The following SLC25A51 variants were observed in gnomAD, a reference collection of about 807,000 sequenced individuals.
SLC25A51 encodes mitochondrial nicotinamide adenine dinucleotide transporter SLC25A51.
SLC25A51 carries 11 observed loss-of-function variants against 19.1 expected under a neutral mutation model. The ratio of observed to expected loss-of-function variants is 0.58; its 90% CI spans 0.36 to 0.96. SLC25A51 has a LOEUF of 0.96. SLC25A51 is among the 40% of genes least tolerant of loss of function. The probability of loss-of-function intolerance (pLI) is 0.01; values close to 1 mark genes in which losing one functional copy is unlikely to be tolerated. For synonymous variants in SLC25A51, 105 were observed against 133.6 expected (o/e 0.79, Z 1.47); for missense variants, 201 against 365.4 (o/e 0.55, Z 3.67).
At chr9:37,900,536 C>G (rs1831824417) in intron 1 of SLC25A51, among the ~76,000 whole-genome samples, 1 of 152,112 alleles carries the variant, frequency 6.6e-6, no homozygotes, top group African/African-American at 2.4e-5. Context: ...GCCTGGACCC[C>G]TGGGGCCTCA....
At chr9:37,897,844 G>A (rs1831754902) in intron 2 of SLC25A51, among the ~76,000 whole-genome samples, 3 of 152,098 alleles carry the variant, frequency 2.0e-5, no homozygotes. Flanking sequence ...TCAAGACACA[G>A]AAACGTTCAC....
At chr9:37,892,470 C>G (rs1831612944) in intron 2 of SLC25A51, among the ~76,000 whole-genome samples, 1 of 152,204 alleles carries the variant, frequency 6.6e-6, no homozygotes, top group Non-Finnish European at 1.5e-5. Context: ...CTGATGAGGA[C>G]AGAGAAGCCG....
chr9:37,899,694 T>G (rs1389144973), intron 2 of SLC25A51, 135 bp downstream of exon 2: 1 of 152,170 alleles, frequency 6.6e-6, no homozygotes, highest in Non-Finnish European at 1.5e-5. Context: ...TATCTTCACA[T>G]CAAGTGCCAG....
chr9:37,895,314 G>A (rs185107778), intron 2 of SLC25A51, among the ~76,000 whole-genome samples: 134 of 151,116 alleles, frequency 8.9e-4, no homozygotes, highest in African/African-American at 3.0e-3. Context: ...TGACCCTCCT[G>A]CCTCAGCCTC....
downstream of SLC25A51, among the ~76,000 whole-genome samples, chr9:37,885,354 A>C (rs1290633714): frequency 4.1e-4 from 62 of 150,998 alleles, no homozygotes; most frequent in Admixed American, 9.9e-4. Flanking sequence ...AAAAAAAAAA[A>C]AAAAAAAAAA....
chr9:37,894,816 A>G (rs533488428), intron 2 of SLC25A51, among the ~76,000 whole-genome samples: 134 of 151,986 alleles, frequency 8.8e-4, no homozygotes, highest in African/African-American at 2.9e-3. Context: ...GTTCCTCTCT[A>G]TGTGTCCATG....
At chr9:37,902,072 T>G (rs967076170) in intron 1 of SLC25A51, among the ~76,000 whole-genome samples, 2 of 152,234 alleles carry the variant, frequency 1.3e-5, no homozygotes, top group Non-Finnish European at 2.9e-5. Context: ...AACCATTTTA[T>G]TTTTACATAC....
At position 37,888,201 on chromosome 9, in the gene SLC25A51, T is replaced by C; in HGVS notation, c.350A>G (p.Glu117Gly). The C allele has an allele frequency of 1.9e-6, 3 of 1,614,118 alleles. No homozygotes were observed. In the South Asian group the frequency reaches 3.3e-5, roughly 18 times the overall value. ...CLLHKHVSAP[E>G]FATSGVAAVL... ...TGCCGCCACGCCACTGGTTGCAAAC[T>C]CTGGAGCACTGACATGCTTGTGGAG... is the stretch of plus-strand genomic sequence containing the variant. Residue 117 changes from glutamate (E) to glycine (G), a missense_variant, in exon 3 of 3, where the codon GAG becomes GGG. By Grantham distance (98) the Glu-to-Gly change is moderately conservative. Coordinates refer to ENST00000242275, the MANE Select transcript of SLC25A51 (RefSeq NM_033412.4).
At chr9:37,890,500 T>C (rs928966541) in intron 2 of SLC25A51, among the ~76,000 whole-genome samples, 2 of 152,170 alleles carry the variant, frequency 1.3e-5, no homozygotes, top group Non-Finnish European at 2.9e-5. Context: ...GGCCACAAAT[T>C]TGTGCCCAGC....
chr9:37,888,523 T>G lies in SLC25A51; in HGVS notation c.28A>C (p.Arg10=). The stretch of plus-strand genomic sequence containing the variant: ...TTTGAAGATGTTAGTATTGGTGGCC[T>G]CTTTTCATGAGCTTCTGAATCCATC... MMDSEAHEK[R]PPILTSSKQD... The change falls in exon 3 of 3, where the codon AGG becomes CGG. Residue 10 remains arginine, a synonymous_variant. Transcript: ENST00000242275. The G allele has an allele frequency of 6.2e-7, 1 of 1,610,024 alleles. No individual in the cohort carries two copies. The highest frequency in any genetic ancestry group is 8.5e-7 in the Non-Finnish European group (1 of 1,178,010).
exon 4 of SLC25A51, chr9:37,880,536 A>G (rs1831330668): frequency 6.6e-6 from 1 of 152,138 alleles, no homozygotes; most frequent in Non-Finnish European, 1.5e-5. Context: ...AGATCACCTG[A>G]GGTTAGGAGT....
intron 1 of SLC25A51, among the ~76,000 whole-genome samples, chr9:37,902,593 C>T (rs1490784689): frequency 6.6e-6 from 1 of 152,220 alleles, no homozygotes; most frequent in East Asian, 1.9e-4. Flanking sequence ...ATACTGTGAA[C>T]ATGGTTAAAT....
chr9:37,891,973 G>A (rs893129093), intron 2 of SLC25A51, among the ~76,000 whole-genome samples: 1 of 148,552 alleles, frequency 6.7e-6, no homozygotes, highest in Non-Finnish European at 1.5e-5. Context: ...GAATACAAAT[G>A]CTCAATAGTA....
At chr9:37,886,457 G>C, downstream of SLC25A51, 1 of 1,467,770 alleles carries the variant, frequency 6.8e-7, no homozygotes, top group East Asian at 2.3e-5. Context: ...ACAAGCCTGA[G>C]ACTACAGCCT....
chr9:37,899,653 T>C (rs780298503), intron 2 of SLC25A51, among the ~76,000 whole-genome samples, 176 bp downstream of exon 2: 2 of 151,950 alleles, frequency 1.3e-5, no homozygotes, highest in African/African-American at 2.4e-5. Flanking sequence ...GCATAAGCCT[T>C]GGCACTCAGA....
At chr9:37,882,775 G>A (rs190422438), downstream of SLC25A51, among the ~76,000 whole-genome samples, 21 of 152,318 alleles carry the variant, frequency 1.4e-4, no homozygotes, top group South Asian at 1.0e-3. Context: ...GCGCTCATGA[G>A]CCATTTGTGC....
At chr9:37,885,738 A>T, downstream of SLC25A51, 1 of 1,458,374 alleles carries the variant, frequency 6.9e-7, no homozygotes. Context: ...GAAGAACCGC[A>T]GATCCATCAC....
At chr9:37,886,107 G>T (rs1831450302), downstream of SLC25A51, 1 of 1,474,142 alleles carries the variant, frequency 6.8e-7, no homozygotes, top group Non-Finnish European at 9.5e-7. Context: ...ACTGATGTTA[G>T]TACGCGGTAC....
chr9:37,893,101 C>G lies in SLC25A51; in HGVS notation c.-42-4509G>C, dbSNP rs116688546. ...CCATGTTGCCCAGGCTGGTCTTGAGCTTCTGGGCTGAAGTGATCCAACTGC... is the reference window on the plus strand; with the variant it reads ...CCATGTTGCCCAGGCTGGTCTTGAGGTTCTGGGCTGAAGTGATCCAACTGC... On this transcript the variant is annotated intron_variant, in intron 2 of 2. Transcript: ENST00000242275. 4.3e-3 allele frequency among the ~76,000 whole-genome samples: 650 copies of G among 152,280 alleles called. 5 individuals carry two copies. The highest frequency in any genetic ancestry group is 0.015 in the African/African-American group (619 of 41,554).
Sources: allele counts gnomAD v4.1 joint callset (sites outside exome capture counted in the v4.1 genomes callset), GRCh38; gene constraint gnomAD v4.1.1; transcripts MANE v1.5; gene names NCBI Gene and HGNC (gene_info 2026-07-23, HGNC 2026-07-21).